Variants in ADPRS observed in about 807,000 individuals in gnomAD.
ADPRS encodes the protein ADP-ribosylhydrolase ARH3.
Under a neutral mutation model 32.1 loss-of-function variants are expected in ADPRS, and 25 were observed. The ratio of observed to expected loss-of-function variants is 0.78; its 90% CI spans 0.57 to 1.09. The LOEUF (loss-of-function observed/expected upper bound fraction) is 1.09. Ranked by LOEUF, ADPRS falls within the 50% of genes least tolerant of loss-of-function variation. The pLI, the probability that ADPRS is intolerant of heterozygous loss-of-function variation, is 0.00. For synonymous variants in ADPRS, 225 were observed against 201.0 expected (o/e 1.12, Z -1.01); for missense variants, 482 against 480.6 (o/e 1.00, Z -0.03).
rs1214934061 is a variant in ADPRS, at chr1:36,088,942, G to A, written c.38G>A (p.Gly13Glu). The change falls in exon 1 of 6, where the codon GGG becomes GAG. Residue 13 changes from glycine (G) to glutamate (E), a missense_variant. Transcript: ENST00000373178. Reference sequence around the variant, plus strand: ...GCGATGGCGGCAGCGGCAGGTGGAGGGGCTGGCGCGGCCCGCTCCCTCTCG... The same window carrying A: ...GCGATGGCGGCAGCGGCAGGTGGAGAGGCTGGCGCGGCCCGCTCCCTCTCG... ...AAAMAAAAGG[G>E]AGAARSLSRF... is the part of the protein sequence containing the mutation. The A allele has an allele frequency of 3.3e-6, 5 of 1,519,996 alleles. No homozygotes were observed. The Admixed American group carries it at 6.2e-5, about 19-fold the overall frequency. 94.2% of individuals were successfully genotyped at this position (1,519,996 alleles called of 1,614,324 possible).
chr1:36,089,232 G>T, intron 1 of ADPRS, 117 bp downstream of exon 1: 1 of 1,201,716 alleles, frequency 8.3e-7, no homozygotes, highest in South Asian at 1.9e-5. Flanking sequence ...GGGCACCGGG[G>T]CCAGAGCCGG....
chr1:36,093,434 A>G lies in ADPRS; in HGVS notation c.*48A>G. 1 of 1,572,266 alleles carries G rather than the reference A, an allele frequency of 6.4e-7. No homozygotes were observed. The highest frequency in any genetic ancestry group is 1.2e-5 in the South Asian group (1 of 85,366). ...TCTGCCAGGTCCCCTGGGACCAACT[A>G]CAGCTCCAATCAGAAACCCTGCGCT... On this transcript the variant is annotated 3_prime_UTR_variant, in exon 6 of 6. Transcript: ENST00000373178.
intron 1 of ADPRS, among the ~76,000 whole-genome samples, chr1:36,089,343 G>A (rs1422067102): frequency 6.6e-6 from 1 of 152,244 alleles, no homozygotes; most frequent in Non-Finnish European, 1.5e-5. Flanking sequence ...GGCAGCACCG[G>A]GGCCTCAACC....
intron 4 of ADPRS, 91 bp from the exon 5 acceptor site, chr1:36,092,331 A>G (rs1643495668): frequency 7.4e-7 from 1 of 1,343,314 alleles, no homozygotes; most frequent in African/African-American, 1.4e-5. Context: ...GCCTGACCAC[A>G]TCCCTGCTCG....
Position 36,093,736 on chromosome 1 carries a change from C to T in ADPRS, c.*350C>T, listed in dbSNP as rs1443658672. ...GGGAGGTGGAAATGATGAGCAGTAGCATCATTTCTCCCTGTTGGGTTTTAG... is the reference window on the plus strand; with the variant it reads ...GGGAGGTGGAAATGATGAGCAGTAGTATCATTTCTCCCTGTTGGGTTTTAG... On this transcript the variant is annotated 3_prime_UTR_variant, in exon 6 of 6. Coordinates refer to ENST00000373178, the MANE Select transcript of ADPRS (RefSeq NM_017825.3). The T allele has an allele frequency of 4.3e-6, 1 of 234,122 alleles. No individual in the cohort carries two copies. The allele number at this position is 234,122 out of a possible 1,614,324, so 14.5% of individuals were successfully genotyped here. A position where few individuals can be genotyped will look rare whatever the true frequency, so the allele number is the denominator to read the frequency against.
intron 1 of ADPRS, among the ~76,000 whole-genome samples, chr1:36,090,805 G>A (rs539623482): frequency 2.6e-4 from 39 of 151,926 alleles, no homozygotes; most frequent in Non-Finnish European, 5.9e-5. Flanking sequence ...AGCCATGGTC[G>A]TACCACTGCA....
rs1450554331 is a variant in ADPRS at position 36,088,945 on chromosome 1, C to T, written c.41C>T (p.Ala14Val). 6.6e-7 allele frequency: 1 copy of T among 1,517,838 alleles called. No individual in the cohort carries two copies. The highest frequency in any genetic ancestry group is 8.8e-7 in the Non-Finnish European group (1 of 1,138,282). 94.0% of individuals were successfully genotyped at this position (1,517,838 alleles called of 1,614,324 possible). Residue 14 changes from alanine (A) to valine (V), a missense_variant, in exon 1 of 6, where the codon GCT becomes GTT. By Grantham distance (64) the Ala-to-Val change is moderately conservative. Coordinates refer to ENST00000373178, the MANE Select transcript of ADPRS (RefSeq NM_017825.3). ...AAMAAAAGGG[A>V]GAARSLSRFR... ...ATGGCGGCAGCGGCAGGTGGAGGGG[C>T]TGGCGCGGCCCGCTCCCTCTCGCGC...
intron 3 of ADPRS, 27 bp downstream of exon 3, chr1:36,091,852 C>A (rs369737711): frequency 7.6e-5 from 121 of 1,586,758 alleles, no homozygotes; most frequent in Non-Finnish European, 9.4e-5. Flanking sequence ...GGCTTCTGGG[C>A]TGTCCCCTTC....
At chr1:36,091,400 C>T (rs1001505904) in intron 2 of ADPRS, 60 bp downstream of exon 2, 1 of 1,505,544 alleles carries the variant, frequency 6.6e-7, no homozygotes, top group African/African-American at 1.4e-5. Flanking sequence ...CACCCCTTGA[C>T]CAGAGGAATG....
In ADPRS at chr1:36,091,939, C is replaced by T. The variant is rs757218363; in HGVS notation, c.546C>T (p.His182=). 15 of 1,608,782 alleles carry T rather than the reference C, an allele frequency of 9.3e-6. No individual in the cohort carries two copies. Among genetic ancestry groups the T allele is most frequent in the African/African-American group, 4.0e-5 (3 of 74,828 alleles). The part of the protein sequence containing the change: ...KFARLSAQLT[H]ASSLGYNGAI... Reference sequence around the variant, plus strand: ...CCCGGCTCTCGGCCCAGCTGACACACGCCTCCTCCCTGGGTTACAATGGCG... The same window carrying T: ...CCCGGCTCTCGGCCCAGCTGACACATGCCTCCTCCCTGGGTTACAATGGCG... Residue 182 remains histidine (H), a synonymous_variant, in exon 4 of 6, where the codon CAC becomes CAT. Coordinates refer to ENST00000373178, the MANE Select transcript of ADPRS (RefSeq NM_017825.3).
chr1:36,091,135 C>A, intron 1 of ADPRS, 109 bp from the exon 2 acceptor site: 2 of 818,468 alleles, frequency 2.4e-6, no homozygotes, highest in Non-Finnish European at 4.0e-6. Flanking sequence ...CACCAGTGCA[C>A]TCCAGTCTGG....
Position 36,088,903 on chromosome 1 carries a change from GGATGGCCGCAGCGGC to G in ADPRS, c.6_20del (p.MetAlaAlaAlaAla6_?10), listed in dbSNP as rs1553175922. On this transcript the variant is annotated start_lost and 5_prime_UTR_variant, in exon 1 of 6. Transcript: ENST00000373178. ...CGGAAGTGGCGAGCAGTCTGCGCGC[GGATGGCCGCAGCGGC>G]GATGGCGGCAGCGGCAGGTGGAGGG... 2 of 1,526,646 alleles carry G rather than the reference GGATGGCCGCAGCGGC, an allele frequency of 1.3e-6. No homozygotes were observed. Among genetic ancestry groups the G allele is most frequent in the Non-Finnish European group, 1.8e-6 (2 of 1,142,620 alleles). 94.6% of individuals were successfully genotyped at this position (1,526,646 alleles called of 1,614,324 possible). A position where few individuals can be genotyped will look rare whatever the true frequency, so the allele number is the denominator to read the frequency against.
In ADPRS at chr1:36,089,034, G is replaced by T; in HGVS notation, c.130G>T (p.Asp44Tyr). 6.8e-7 allele frequency: 1 copy of T among 1,474,246 alleles called. No homozygotes were observed. The highest frequency in any genetic ancestry group is 1.4e-5 in the South Asian group (1 of 71,748). The allele number at this position is 1,474,246 out of a possible 1,614,324, so 91.3% of individuals were successfully genotyped here. The change falls in exon 1 of 6, where the codon GAC becomes TAC. Residue 44 changes from aspartate to tyrosine, a missense_variant. Physicochemically the swap from Asp to Tyr is radical, Grantham distance 160. Coordinates refer to ENST00000373178, the MANE Select transcript of ADPRS (RefSeq NM_017825.3). ...DCVGSFYEAH[D>Y]TVDLTSVLRH... ...CGTGGGCTCCTTCTACGAGGCCCAC[G>T]ACACCGTCGACCTGACGTCAGTCCT...
At chr1:36,089,297 A>G (rs1643445604) in intron 1 of ADPRS, among the ~76,000 whole-genome samples, 182 bp downstream of exon 1, 1 of 152,176 alleles carries the variant, frequency 6.6e-6, no homozygotes, top group Non-Finnish European at 1.5e-5. Context: ...CCGGCCTTAT[A>G]GACGTCTCGC....
chr1:36,089,874 G>A (rs1643455885), intron 1 of ADPRS, among the ~76,000 whole-genome samples: 1 of 152,094 alleles, frequency 6.6e-6, no homozygotes, highest in Non-Finnish European at 1.5e-5. Context: ...TCCCTTGTGG[G>A]CTCAGATCCC....
chr1:36,091,263 T>A lies in ADPRS; in HGVS notation c.231T>A (p.Asp77Glu), dbSNP rs1194318009. The A allele has an allele frequency of 1.9e-6, 3 of 1,614,038 alleles. No individual in the cohort carries two copies. In the African/African-American group the frequency reaches 4.0e-5, roughly 22 times the overall value. ...SERTEALYYTDDTAMARALVQ... is the reference protein window; with the variant it reads ...SERTEALYYTEDTAMARALVQ... ...CCACAGAAGCCTTGTACTACACAGA[T>A]GACACAGCCATGGCCAGGGCCCTGG... The change falls in exon 2 of 6, where the codon GAT becomes GAA. Residue 77 changes from aspartate (D) to glutamate (E), a missense_variant. Coordinates refer to ENST00000373178, the MANE Select transcript of ADPRS (RefSeq NM_017825.3).
chr1:36,092,580 G>A, intron 5 of ADPRS, 58 bp downstream of exon 5: 5 of 1,537,838 alleles, frequency 3.3e-6, no homozygotes, highest in Non-Finnish European at 4.5e-6. Context: ...GTCGGTCTTG[G>A]GCTCAGGGGA....
intron 4 of ADPRS, 145 bp from the exon 5 acceptor site, chr1:36,092,277 C>A: frequency 5.3e-6 from 6 of 1,133,264 alleles, no homozygotes; most frequent in Non-Finnish European, 7.5e-6. Flanking sequence ...CCTGCTCACC[C>A]CAGCCCTCTC....
intron 2 of ADPRS, 126 bp from the exon 3 acceptor site, chr1:36,091,492 A>G (rs953087744): frequency 8.3e-7 from 1 of 1,201,784 alleles, no homozygotes. Flanking sequence ...AAACAGCAGC[A>G]CTGCTGGTGC....
Sources: gnomAD v4.1 joint callset for allele counts (sites outside exome capture counted in the v4.1 genomes callset) on GRCh38, gnomAD v4.1.1 for gene constraint, MANE v1.5 for transcripts, NCBI Gene and HGNC (gene_info 2026-07-23, HGNC 2026-07-21) for gene names.